GFI1: variants seen among roughly 807,000 people sequenced by gnomAD.
GFI1 encodes the protein growth factor independent 1 transcriptional repressor.
Under a neutral mutation model 39.2 loss-of-function variants are expected in GFI1, and 15 were observed. The observed-to-expected ratio is 0.38, with a 90% CI of 0.26 to 0.59. The LOEUF (loss-of-function observed/expected upper bound fraction) is 0.59. GFI1 is among the 20% of genes least tolerant of loss of function. GFI1 has a pLI of 0.62. For missense variants in GFI1, 475 were observed against 574.0 expected (o/e 0.83, Z 1.76); for synonymous variants, 239 against 254.3 (o/e 0.94, Z 0.57).
chr1:92,480,882 C>A lies in GFI1; in HGVS notation c.505G>T (p.Gly169Cys), dbSNP rs1166485025. Residue 169 changes from glycine to cysteine, a missense_variant, in exon 4 of 7, where the codon GGC (glycine) becomes TGC (cysteine). Around this residue, in one of 4 missense-constraint regions of GFI1, gnomAD observed 275 missense variants for 275.8 expected, o/e 1.00. Coordinates refer to ENST00000294702, the MANE Select transcript of GFI1 (RefSeq NM_005263.5). This position sits in a 1 kb window ranked among gnomAD's most constrained non-coding sequence, Gnocchi z 5.6. The part of the protein sequence containing the change: ...PEPGHPAALY[G>C]PKRAAGGAGA... Reference sequence around the variant, plus strand: ...GCGCCGCCGGCAGCCCGCTTCGGGCCGTACAGCGCGGCCGGGTGGCCAGGC... The same window carrying A: ...GCGCCGCCGGCAGCCCGCTTCGGGCAGTACAGCGCGGCCGGGTGGCCAGGC... 2.6e-6 allele frequency: 4 copies of A among 1,518,344 alleles called. No individual in the cohort carries two copies. The South Asian group carries it at 5.0e-5, about 19-fold the overall frequency. 94.1% of individuals were successfully genotyped at this position (1,518,344 alleles called of 1,614,324 possible). A position where few individuals can be genotyped will look rare whatever the true frequency, so the allele number is the denominator to read the frequency against.
rs573185483 is a variant in GFI1 at position 92,473,704 on chromosome 1, C to T, written c.*2325G>A. On this transcript the variant is annotated 3_prime_UTR_variant, in exon 7 of 7. Transcript: ENST00000294702. ...AAGTCGTGTGGATTCTATTTGTTTCCCAGGCTGTCAAGCAATCTCTCTTCC... is the reference window on the plus strand; with the variant it reads ...AAGTCGTGTGGATTCTATTTGTTTCTCAGGCTGTCAAGCAATCTCTCTTCC... Among the ~76,000 whole-genome samples, 4 of 152,238 alleles carry T rather than the reference C, an allele frequency of 2.6e-5. No individual in the cohort carries two copies. The highest frequency in any genetic ancestry group is 1.9e-4 in the East Asian group (1 of 5,174).
At chr1:92,483,195 A>G (rs1034862238) in intron 2 of GFI1, 149 bp from the exon 3 acceptor site, 4 of 782,228 alleles carry the variant, frequency 5.1e-6, no homozygotes, top group Non-Finnish European at 8.1e-6. Context: ...ATCCGAGGGC[A>G]GGCGCAGAGA....
In GFI1 at chr1:92,475,885, A is replaced by T; in HGVS notation, c.*144T>A. 1.3e-6 allele frequency: 1 copy of T among 747,150 alleles called. No homozygotes were observed. The highest frequency in any genetic ancestry group is 2.3e-6 in the Non-Finnish European group (1 of 433,870). 46.3% of individuals were successfully genotyped at this position (747,150 alleles called of 1,614,324 possible). On this transcript the variant is annotated 3_prime_UTR_variant, in exon 7 of 7. Transcript: ENST00000294702. Reference sequence around the variant, plus strand: ...GCTCCAGGAGGTAAGGCGAAGGAGGAGCAACCTGGTAGGATCTGCAGACTG... The same window carrying T: ...GCTCCAGGAGGTAAGGCGAAGGAGGTGCAACCTGGTAGGATCTGCAGACTG...
At chr1:92,476,255 G>A (rs1657972053) in intron 6 of GFI1, 48 bp from the exon 7 acceptor site, 1 of 1,541,824 alleles carries the variant, frequency 6.5e-7, no homozygotes, top group African/African-American at 1.4e-5. Flanking sequence ...CTATGATAAA[G>A]CTAGAGGGGA....
In GFI1 at chr1:92,475,376, C is replaced by G. The variant is rs1194705290; in HGVS notation, c.*653G>C. On this transcript the variant is annotated 3_prime_UTR_variant, in exon 7 of 7. Transcript: ENST00000294702. ...CCTCTCATTACCAACTTCTCTTCTG[C>G]TTCTTCTTGGGGGTAGCCTCGATGG... 6.5e-6 allele frequency: 1 copy of G among 154,476 alleles called. No homozygotes were observed. Among genetic ancestry groups the G allele is most frequent in the Admixed American group, 6.3e-5 (1 of 15,784 alleles). 9.6% of individuals were successfully genotyped at this position (154,476 alleles called of 1,614,324 possible).
In GFI1 at chr1:92,478,459, T is replaced by G. The variant is rs1305312296; in HGVS notation, c.1090+129A>C. 4 of 816,796 alleles carry G rather than the reference T, an allele frequency of 4.9e-6. No homozygotes were observed. In the East Asian group the frequency reaches 7.8e-5, roughly 16 times the overall value. 50.6% of individuals were successfully genotyped at this position (816,796 alleles called of 1,614,324 possible). The stretch of plus-strand genomic sequence containing the variant: ...CAAAGAACCCACCCCTTTGTTTTCT[T>G]TAACACAGAGCAGAGAATAACTCCA... On this transcript the variant is annotated intron_variant, in intron 6 of 6. Coordinates refer to ENST00000294702, the MANE Select transcript of GFI1 (RefSeq NM_005263.5).
In GFI1 at chr1:92,480,855, C is replaced by G; in HGVS notation, c.532G>C (p.Gly178Arg). 2.1e-6 allele frequency: 3 copies of G among 1,458,782 alleles called. No individual in the cohort carries two copies. The highest frequency in any genetic ancestry group is 1.4e-5 in the South Asian group (1 of 70,550). 90.4% of individuals were successfully genotyped at this position (1,458,782 alleles called of 1,614,324 possible). A position where few individuals can be genotyped will look rare whatever the true frequency, so the allele number is the denominator to read the frequency against. Reference sequence around the variant, plus strand: ...CTGCAGCTCCCTGGCGCCCCGGCCCCCGCGCCGCCGGCAGCCCGCTTCGGG... The same window carrying G: ...CTGCAGCTCCCTGGCGCCCCGGCCCGCGCGCCGCCGGCAGCCCGCTTCGGG... Reference protein sequence around the residue: ...YGPKRAAGGAGAGAPGSCSAG... With the variant: ...YGPKRAAGGARAGAPGSCSAG... The change falls in exon 4 of 7, where the codon GGG becomes CGG. Residue 178 changes from glycine (G) to arginine (R), a missense_variant. This residue lies in a region of GFI1 where 275 missense variants were observed against 275.8 expected (regional missense o/e 1.00). Transcript: ENST00000294702. The surrounding 1 kb of genome is among the most constrained non-coding windows in gnomAD (Gnocchi z 5.6).
rs1658205331 is a variant in GFI1, at chr1:92,480,830, C to T, written c.557G>A (p.Ser186Asn). 1 of 1,535,184 alleles carries T rather than the reference C, an allele frequency of 6.5e-7. No individual in the cohort carries two copies. The highest frequency in any genetic ancestry group is 1.2e-5 in the South Asian group (1 of 82,746). Residue 186 changes from serine to asparagine, a missense_variant, in exon 4 of 7, where the codon AGC becomes AAC. Around this residue, in one of 4 missense-constraint regions of GFI1, gnomAD observed 275 missense variants for 275.8 expected, o/e 1.00. Transcript: ENST00000294702. This position sits in a 1 kb window ranked among gnomAD's most constrained non-coding sequence, Gnocchi z 5.6. ...GCCAGCGGTGGCACCGGCCCCTGCG[C>T]TGCAGCTCCCTGGCGCCCCGGCCCC... is the stretch of plus-strand genomic sequence containing the variant. Reference protein sequence around the residue: ...GAGAGAPGSCSAGAGATAGPG... With the variant: ...GAGAGAPGSCNAGAGATAGPG...
At position 92,473,941 on chromosome 1, in the gene GFI1, A is replaced by G. The variant is rs963261013; in HGVS notation, c.*2088T>C. ...CACCCCCTAGAAGAATGCCCAGCAC[A>G]TACTGGGTGCTCAATTATATGTGTG... On this transcript the variant is annotated 3_prime_UTR_variant, in exon 7 of 7. Coordinates refer to ENST00000294702, the MANE Select transcript of GFI1 (RefSeq NM_005263.5). Among the ~76,000 whole-genome samples the G allele has an allele frequency of 1.3e-5, 2 of 152,246 alleles. No individual in the cohort carries two copies. Among genetic ancestry groups the G allele is most frequent in the Non-Finnish European group, 2.9e-5 (2 of 68,038 alleles).
Position 92,480,924 on chromosome 1 carries a change from A to G in GFI1, c.463T>C (p.Cys155Arg), listed in dbSNP as rs1191602395. The change falls in exon 4 of 7, where the codon TGC (cysteine) becomes CGC (arginine). Residue 155 changes from cysteine to arginine, a missense_variant. Transcript: ENST00000294702. This position sits in a 1 kb window ranked among gnomAD's most constrained non-coding sequence, Gnocchi z 5.6. ...TGGCCAGGCTCCGGGGCGGGTTCGC[A>G]GAAGAGGCCCAGGCCAGCGCCACGC... The part of the protein sequence containing the change: ...LERGAGLGLF[C>R]EPAPEPGHPA... 3 of 1,562,002 alleles carry G rather than the reference A, an allele frequency of 1.9e-6. No homozygotes were observed. In the African/African-American group the frequency reaches 4.1e-5, roughly 21 times the overall value.
In GFI1 at chr1:92,481,998, T is replaced by G. The variant is rs78453879; in HGVS notation, c.298+866A>C. Among the ~76,000 whole-genome samples the G allele has an allele frequency of 4.0e-5, 6 of 151,682 alleles. No homozygotes were observed. The East Asian group carries it at 1.2e-3, about 30-fold the overall frequency. ...GGCTGGCCACTTCAGTGAGAGGCTG[T>G]ACCCGGAGTTTCGTTCGGAGGGGTT... On this transcript the variant is annotated intron_variant, in intron 3 of 6. Transcript: ENST00000294702. The surrounding 1 kb of genome is among the most constrained non-coding windows in gnomAD (Gnocchi z 4.3).
In GFI1 at chr1:92,480,317, G is replaced by C; in HGVS notation, c.924+31C>G. The C allele has an allele frequency of 6.5e-7, 1 of 1,542,436 alleles. No homozygotes were observed. The highest frequency in any genetic ancestry group is 8.7e-7 in the Non-Finnish European group (1 of 1,145,438). On this transcript the variant is annotated intron_variant, in intron 5 of 6. Transcript: ENST00000294702. The surrounding 1 kb of genome is among the most constrained non-coding windows in gnomAD (Gnocchi z 5.6). ...GGAGATGCAGAAGATCCCCGAGCAG[G>C]GCCGCGCGCGGCGGTGCGCCCCGCG...
At position 92,474,113 on chromosome 1, in the gene GFI1, A is replaced by C. The variant is rs753123247; in HGVS notation, c.*1916T>G. Among the ~76,000 whole-genome samples, 43 of 152,332 alleles carry C rather than the reference A, an allele frequency of 2.8e-4. No individual in the cohort carries two copies. The highest frequency in any genetic ancestry group is 5.7e-4 in the Non-Finnish European group (39 of 68,040). On this transcript the variant is annotated 3_prime_UTR_variant, in exon 7 of 7. Coordinates refer to ENST00000294702, the MANE Select transcript of GFI1 (RefSeq NM_005263.5). Reference sequence around the variant, plus strand: ...CTGGTTTCATTCTCTTAAAGGATTGACTTATGCAAAAAACTCCCACAGGTG... The same window carrying C: ...CTGGTTTCATTCTCTTAAAGGATTGCCTTATGCAAAAAACTCCCACAGGTG...
intron 1 of GFI1, chr1:92,483,816 C>T (rs1033801454): frequency 2.8e-5 from 11 of 399,478 alleles, no homozygotes; most frequent in Non-Finnish European, 4.3e-5. Flanking sequence ...AAAACCTGTC[C>T]CGGGGCCCTG....
rs7538708 is a variant in GFI1 at position 92,474,140 on chromosome 1, G to A, written c.*1889C>T. The stretch of plus-strand genomic sequence containing the variant: ...TTATGCAAAAAACTCCCACAGGTGG[G>A]ACAGAACCAGAAATAACCCAGATCC... On this transcript the variant is annotated 3_prime_UTR_variant, in exon 7 of 7. Coordinates refer to ENST00000294702, the MANE Select transcript of GFI1 (RefSeq NM_005263.5). Among the ~76,000 whole-genome samples the A allele has an allele frequency of 0.088, 13,337 of 152,212 alleles. 1,899 individuals are homozygous for A. The highest frequency in any genetic ancestry group is 0.3 in the African/African-American group (12,248 of 41,482).
intron 1 of GFI1, among the ~76,000 whole-genome samples, chr1:92,486,258 G>C (rs1658522509): frequency 6.6e-6 from 1 of 152,164 alleles, no homozygotes; most frequent in African/African-American, 2.4e-5. Flanking sequence ...AGGCGGTGGG[G>C]GGCCTGGCCT....
rs1315832055 is a variant in GFI1, at chr1:92,484,708, C to T, written c.-99-1122G>A. 2 of 152,426 alleles carry T rather than the reference C, an allele frequency of 1.3e-5. No homozygotes were observed. The highest frequency in any genetic ancestry group is 2.9e-5 in the Non-Finnish European group (2 of 68,226). The allele number at this position is 152,426 out of a possible 1,614,324, so 9.4% of individuals were successfully genotyped here. On this transcript the variant is annotated intron_variant, in intron 1 of 6. Coordinates refer to ENST00000294702, the MANE Select transcript of GFI1 (RefSeq NM_005263.5). This position sits in a 1 kb window ranked among gnomAD's most constrained non-coding sequence, Gnocchi z 4.1. ...TGAGCGCAGCGGGAGGGCGTGGCTG[C>T]GCCTGCCGCTAGGCTCCAGCCGGCT...
rs891965997 is a variant in GFI1 at position 92,482,418 on chromosome 1, C to T, written c.298+446G>A. ...AGACCAAGCCGCGGGCTGAGATTTT[C>T]GTCCTGCCCCCTCCCTGCCGCCCAG... is the stretch of plus-strand genomic sequence containing the variant. On this transcript the variant is annotated intron_variant, in intron 3 of 6. Transcript: ENST00000294702. The surrounding 1 kb of genome is among the most constrained non-coding windows in gnomAD (Gnocchi z 4.4). 1.2e-4 allele frequency among the ~76,000 whole-genome samples: 9 copies of T among 72,442 alleles called. No homozygotes were observed. Among genetic ancestry groups the T allele is most frequent in the African/African-American group, 6.4e-4 (9 of 13,982 alleles). 47.5% of individuals were successfully genotyped at this position (72,442 alleles called of 152,430 possible). A position where few individuals can be genotyped will look rare whatever the true frequency, so the allele number is the denominator to read the frequency against.
At position 92,480,815 on chromosome 1, in the gene GFI1, G is replaced by A. The variant is rs758542203; in HGVS notation, c.572C>T (p.Ala191Val). Residue 191 changes from alanine (A) to valine (V), a missense_variant, in exon 4 of 7, where the codon GCC (alanine) becomes GTC (valine). This residue lies in a region of GFI1 where 275 missense variants were observed against 275.8 expected (regional missense o/e 1.00). Transcript: ENST00000294702. The surrounding 1 kb of genome is among the most constrained non-coding windows in gnomAD (Gnocchi z 5.6). ...GAGCCCTAGGCCAGGGCCAGCGGTG[G>A]CACCGGCCCCTGCGCTGCAGCTCCC... Reference protein sequence around the residue: ...APGSCSAGAGATAGPGLGLYG... With the variant: ...APGSCSAGAGVTAGPGLGLYG... 177 of 1,575,576 alleles carry A rather than the reference G, an allele frequency of 1.1e-4. 4 individuals are homozygous for A. The South Asian group carries it at 2.0e-3, about 18-fold the overall frequency.
Sources: gnomAD v4.1 joint callset for allele counts (sites outside exome capture counted in the v4.1 genomes callset) on GRCh38, gnomAD v4.1.1 for gene constraint, gnomAD v4.1.1 regional missense constraint, Gnocchi (gnomAD v3.1) non-coding constraint, MANE v1.5 for transcripts, NCBI Gene and HGNC (gene_info 2026-07-23, HGNC 2026-07-21) for gene names.